RAPGEFL1: variants seen among roughly 807,000 people sequenced by gnomAD.
RAPGEFL1 encodes the protein Rap guanine nucleotide exchange factor like 1.
Under a neutral mutation model 64.4 loss-of-function variants are expected in RAPGEFL1, and 31 were observed. The observed-to-expected ratio is 0.48, with a 90% CI of 0.36 to 0.65. The LOEUF is 0.65. RAPGEFL1 is among the 30% of genes least tolerant of loss of function. The pLI is 0.00. For synonymous variants in RAPGEFL1, 331 were observed against 274.1 expected (o/e 1.21, Z -2.05); for missense variants, 682 against 677.4 (o/e 1.01, Z -0.08).
rs1166850299 is a variant in RAPGEFL1 at position 40,179,117 on chromosome 17, A to G, written c.520+736A>G. 6.0e-5 allele frequency among the ~76,000 whole-genome samples: 9 copies of G among 149,366 alleles called. No individual in the cohort carries two copies. The East Asian group carries it at 1.4e-3, about 23-fold the overall frequency. On this transcript the variant is annotated intron_variant, in intron 1 of 14. Coordinates refer to ENST00000620260, the MANE Select transcript of RAPGEFL1 (RefSeq NM_016339.6). ...GTAGTCTCACTGTCACCCAGGCTGG[A>G]GTGCAGTGGCGCCATCTCAGCTCAC...
intron 4 of RAPGEFL1, among the ~76,000 whole-genome samples, chr17:40,186,574 CAAAAAAAAAAAA>C (rs146110920): frequency 4.6e-4 from 12 of 26,276 alleles, no homozygotes; most frequent in South Asian, 8.1e-3. Flanking sequence ...GACTCCGTCT[CAAAAAAAAAAAA>C]AAAAAAAAAA....
chr17:40,190,931 G>A, intron 8 of RAPGEFL1, 169 bp downstream of exon 8: 1 of 1,015,766 alleles, frequency 9.8e-7, no homozygotes, highest in Non-Finnish European at 1.4e-6. Context: ...CGCAAAGAGA[G>A]AGACCCCAGA....
intron 4 of RAPGEFL1, among the ~76,000 whole-genome samples, chr17:40,188,385 T>C (rs138545426): frequency 1.9e-4 from 29 of 152,328 alleles, no homozygotes; most frequent in Middle Eastern, 3.4e-3. Context: ...GTATTAGAAG[T>C]AGCTGTATGC....
chr17:40,184,128 G>C (rs1989985122), intron 2 of RAPGEFL1, 86 bp from the exon 3 acceptor site: 1 of 1,004,582 alleles, frequency 1.0e-6, no homozygotes, highest in South Asian at 1.3e-5. Flanking sequence ...ATAGGCGTGA[G>C]CCACTGCGCC....
upstream of RAPGEFL1, chr17:40,177,017 C>T: frequency 1.4e-6 from 1 of 701,178 alleles, no homozygotes; most frequent in Non-Finnish European, 2.6e-6. Context: ...CCTATTGTGC[C>T]CTACCAGAGA....
At chr17:40,183,846 T>A (rs1391991086) in intron 2 of RAPGEFL1, among the ~76,000 whole-genome samples, 1 of 124,722 alleles carries the variant, frequency 8.0e-6, no homozygotes. Context: ...TTTTTTTTTT[T>A]TTTTTTTTTT....
At position 40,191,478 on chromosome 17, in the gene RAPGEFL1, A is replaced by G. The variant is rs778852416; in HGVS notation, c.1498A>G (p.Ile500Val). ...GCGCGCGCAGCTGCTCAAGAAGTTC[A>G]TCAAGATCGCGGCCCTGTGAGTGCG... The part of the protein sequence containing the change: ...GKRAQLLKKF[I>V]KIAALCKQNQ... Residue 500 changes from isoleucine (I) to valine (V), a missense_variant, in exon 9 of 15, where the codon ATC becomes GTC. By Grantham distance (29) the Ile-to-Val change is conservative. Coordinates refer to ENST00000620260, the MANE Select transcript of RAPGEFL1 (RefSeq NM_016339.6). This position sits in a 1 kb window ranked among gnomAD's most constrained non-coding sequence, Gnocchi z 5.1. 1 of 1,606,460 alleles carries G rather than the reference A, an allele frequency of 6.2e-7. No homozygotes were observed. The highest frequency in any genetic ancestry group is 1.1e-5 in the South Asian group (1 of 90,314).
intron 6 of RAPGEFL1, 84 bp downstream of exon 6, chr17:40,189,459 T>C: frequency 1.4e-6 from 2 of 1,430,962 alleles, no homozygotes; most frequent in Non-Finnish European, 1.9e-6. Context: ...AGAGACTGAA[T>C]TCTAGGCCCT....
In RAPGEFL1 at chr17:40,191,590, A is replaced by C; in HGVS notation, c.1523A>C (p.Gln508Pro). ...KFIKIAALCK[Q>P]NQDLLSFYAV... The stretch of plus-strand genomic sequence containing the variant: ...GCCTCCCACCCCCGCAGCTGCAAGC[A>C]GAACCAGGACCTGCTGTCTTTCTAC... The change falls in exon 10 of 15, where the codon CAG (glutamine) becomes CCG (proline). Residue 508 changes from glutamine (Q) to proline (P), a missense_variant. By Grantham distance (76) the Gln-to-Pro change is moderately conservative (BLOSUM62 -1). Transcript: ENST00000620260. The surrounding 1 kb of genome is among the most constrained non-coding windows in gnomAD (Gnocchi z 5.1). 6.2e-7 allele frequency: 1 copy of C among 1,601,960 alleles called. No homozygotes were observed. Among genetic ancestry groups the C allele is most frequent in the Non-Finnish European group, 8.5e-7 (1 of 1,174,192 alleles).
chr17:40,183,835 CTTTTTTTTTTTTTT>C (rs34505274), intron 2 of RAPGEFL1, among the ~76,000 whole-genome samples: 2 of 56,880 alleles, frequency 3.5e-5, no homozygotes, highest in African/African-American at 1.6e-4. Context: ...TTTTTTTTGC[CTTTTTTTTTTTTTT>C]TTTTTTTTTT....
At position 40,191,200 on chromosome 17, in the gene RAPGEFL1, C is replaced by T. The variant is rs550399668; in HGVS notation, c.1336-116C>T. 94 of 919,962 alleles carry T rather than the reference C, an allele frequency of 1.0e-4. 1 individual carries two copies. The highest frequency in any genetic ancestry group is 1.4e-4 in the Non-Finnish European group (92 of 638,408). The allele number at this position is 919,962 out of a possible 1,614,324, so 57.0% of individuals were successfully genotyped here. On this transcript the variant is annotated intron_variant, in intron 8 of 14. Transcript: ENST00000620260. The surrounding 1 kb of genome is among the most constrained non-coding windows in gnomAD (Gnocchi z 5.1). ...GTCCTTTCTATTTTTCTATTTTCCA[C>T]CCCTTCCGCCCCCGCCCTCCTGCCT...
At position 40,184,744 on chromosome 17, in the gene RAPGEFL1, C is replaced by T. The variant is rs1990010867; in HGVS notation, c.833+66C>T. The T allele has an allele frequency of 3.1e-6, 3 of 958,734 alleles. No homozygotes were observed. The East Asian group carries it at 8.1e-5, about 26-fold the overall frequency. The allele number at this position is 958,734 out of a possible 1,614,324, so 59.4% of individuals were successfully genotyped here. On this transcript the variant is annotated intron_variant, in intron 4 of 14. Transcript: ENST00000620260. The stretch of plus-strand genomic sequence containing the variant: ...CCCCTGCGTTCCTCTACTACAGGGG[C>T]TGCCTCTGGCCTATTGGCTGCAATA...
Position 40,191,541 on chromosome 17 carries a change from G to A in RAPGEFL1, c.1515-41G>A. On this transcript the variant is annotated intron_variant, in intron 9 of 14. Coordinates refer to ENST00000620260, the MANE Select transcript of RAPGEFL1 (RefSeq NM_016339.6). The surrounding 1 kb of genome is among the most constrained non-coding windows in gnomAD (Gnocchi z 5.1). ...ATGGGGGGCCGGAGGCCGGAGGCCC[G>A]CGCCGCCGCCCGCCCCTGACCCCGC... 1 of 1,557,876 alleles carries A rather than the reference G, an allele frequency of 6.4e-7. No individual in the cohort carries two copies. The highest frequency in any genetic ancestry group is 8.7e-7 in the Non-Finnish European group (1 of 1,153,952).
intron 1 of RAPGEFL1, among the ~76,000 whole-genome samples, chr17:40,179,190 C>T (rs961353659): frequency 6.6e-6 from 1 of 152,166 alleles, no homozygotes; most frequent in African/African-American, 2.4e-5. Flanking sequence ...CCTCAGCCTC[C>T]TGAGTAGCTG....
rs978372445 is a variant in RAPGEFL1 at position 40,191,154 on chromosome 17, TC to T, written c.1336-160del. ...TTATTAATGCTGGTTGTTTTCTTTT[TC>T]CGCATCTTTGCCGCCTCCTGTCCTT... On this transcript the variant is annotated intron_variant, in intron 8 of 14. Transcript: ENST00000620260. This position sits in a 1 kb window ranked among gnomAD's most constrained non-coding sequence, Gnocchi z 5.1. 2 of 671,636 alleles carry T rather than the reference TC, an allele frequency of 3.0e-6. No homozygotes were observed. Among genetic ancestry groups the T allele is most frequent in the Non-Finnish European group, 4.9e-6 (2 of 411,660 alleles). The allele number at this position is 671,636 out of a possible 1,614,324, so 41.6% of individuals were successfully genotyped here.
At chr17:40,188,836 C>T (rs541864401) in intron 4 of RAPGEFL1, 30 bp from the exon 5 acceptor site, 39 of 1,568,018 alleles carry the variant, frequency 2.5e-5, no homozygotes, top group African/African-American at 1.6e-4. Flanking sequence ...CCTGGCAGGG[C>T]GTGCTGATGC....
At chr17:40,177,140 G>A (rs1371942205), upstream of RAPGEFL1, 1 of 702,474 alleles carries the variant, frequency 1.4e-6, no homozygotes, top group African/African-American at 1.7e-5. Flanking sequence ...TGAGAAAGGT[G>A]CACACTCTTG....
intron 2 of RAPGEFL1, 87 bp from the exon 3 acceptor site, chr17:40,184,127 A>G: frequency 1.0e-6 from 1 of 992,428 alleles, no homozygotes; most frequent in East Asian, 2.4e-5. Flanking sequence ...TATAGGCGTG[A>G]GCCACTGCGC....
chr17:40,182,783 C>T (rs1228644914), intron 2 of RAPGEFL1, among the ~76,000 whole-genome samples: 1 of 152,192 alleles, frequency 6.6e-6, no homozygotes, highest in African/African-American at 2.4e-5. Flanking sequence ...CATAGGGTCT[C>T]ATGTAAGCAT....
Sources: gnomAD v4.1 joint callset for allele counts (sites outside exome capture counted in the v4.1 genomes callset) on GRCh38, gnomAD v4.1.1 for gene constraint, Gnocchi (gnomAD v3.1) non-coding constraint, MANE v1.5 for transcripts, NCBI Gene and HGNC (gene_info 2026-07-23, HGNC 2026-07-21) for gene names.